The following TRPM8 variants were observed in gnomAD, a reference collection of about 807,000 sequenced individuals.
The protein encoded by TRPM8 is TRPM8 cationic channel.
TRPM8 carries 110 observed loss-of-function variants against 133.7 expected under a neutral mutation model. That is an observed-to-expected ratio of 0.82 (90% CI 0.70 to 0.96). TRPM8 has a LOEUF of 0.96. Among genes scored for constraint, TRPM8 ranks in the 40% least tolerant of loss-of-function variants. TRPM8 has a pLI of 0.00. For synonymous variants in TRPM8, 535 were observed against 532.3 expected, an observed-to-expected ratio of 1.01 and a Z score of -0.07; for missense variants, 1,291 against 1,379.5, an observed-to-expected ratio of 0.94 and a Z score of 1.02.
At chr2:233,973,021 T>G (rs952217265) in intron 17 of TRPM8, among the ~76,000 whole-genome samples, 16 of 152,216 alleles carry the variant, frequency 1.1e-4, no homozygotes, top group Admixed American at 2.6e-4. Context: ...GCCAGCACGC[T>G]GTCACCTCTC....
At chr2:233,961,328 T>C (rs1461369984) in intron 12 of TRPM8, among the ~76,000 whole-genome samples, 1 of 152,208 alleles carries the variant, frequency 6.6e-6, no homozygotes, top group African/African-American at 2.4e-5. Flanking sequence ...GTTTTTGAGA[T>C]GGAGTCTCGC....
At chr2:233,940,284 GTTT>G (rs397736139) in intron 5 of TRPM8, among the ~76,000 whole-genome samples, 1 of 137,322 alleles carries the variant, frequency 7.3e-6, no homozygotes, top group African/African-American at 2.6e-5. Context: ...CTAGACATGG[GTTT>G]TTTTTTTTTT....
intron 11 of TRPM8, 113 bp downstream of exon 11, chr2:233,955,363 T>A: frequency 1.3e-6 from 1 of 754,848 alleles, no homozygotes. Context: ...AAAGGATTGT[T>A]CTGTTCCAGA....
intron 25 of TRPM8, among the ~76,000 whole-genome samples, chr2:234,015,216 G>C (rs1372399918): frequency 6.6e-6 from 1 of 152,056 alleles, no homozygotes; most frequent in Non-Finnish European, 1.5e-5. Context: ...TTTAACCCAA[G>C]GCTTTGCTCC....
At chr2:233,994,536 C>G (rs1692356975) in intron 21 of TRPM8, among the ~76,000 whole-genome samples, 3 of 152,188 alleles carry the variant, frequency 2.0e-5, no homozygotes, top group Admixed American at 2.0e-4. Context: ...CAAGAGGCAC[C>G]TGCTACAAGT....
intron 14 of TRPM8, chr2:233,966,270 C>A: frequency 4.5e-6 from 1 of 223,436 alleles, no homozygotes; most frequent in Non-Finnish European, 9.0e-6. Context: ...TGGGGAGGTG[C>A]AGAAGGTTAG....
At chr2:234,017,199 C>T (rs562559350) in intron 25 of TRPM8, 100 bp from the exon 26 acceptor site, 52 of 405,788 alleles carry the variant, frequency 1.3e-4, no homozygotes, top group African/African-American at 1.1e-3. Context: ...GGATCTATTC[C>T]CAGTATATTC....
chr2:233,964,890 A>G, intron 14 of TRPM8, 133 bp downstream of exon 14: 1 of 899,930 alleles, frequency 1.1e-6, no homozygotes, highest in Non-Finnish European at 1.6e-6. Context: ...TGAGGGCTGC[A>G]GACCACAAGG....
intron 7 of TRPM8, 88 bp from the exon 8 acceptor site, chr2:233,946,999 AG>A: frequency 1.7e-6 from 2 of 1,175,068 alleles, no homozygotes; most frequent in Middle Eastern, 1.9e-4. Flanking sequence ...CTAGGCTCAC[AG>A]GGCAGAAGCT....
intron 11 of TRPM8, among the ~76,000 whole-genome samples, chr2:233,955,689 G>A (rs571761703): frequency 4.5e-4 from 68 of 152,058 alleles, no homozygotes; most frequent in Non-Finnish European, 7.5e-4. Flanking sequence ...TTAGAGAACC[G>A]TCCGTAGTGA....
At chr2:233,927,336 A>C (rs1256800310) in intron 2 of TRPM8, among the ~76,000 whole-genome samples, 1 of 152,152 alleles carries the variant, frequency 6.6e-6, no homozygotes, top group African/African-American at 2.4e-5. Flanking sequence ...TCTATCATTG[A>C]GCTGTAAGAA....
intron 12 of TRPM8, 22 bp from the exon 13 acceptor site, chr2:233,963,260 A>T: frequency 6.4e-7 from 1 of 1,566,832 alleles, no homozygotes; most frequent in Non-Finnish European, 8.8e-7. Flanking sequence ...GCACATGCTG[A>T]CCACATGCTC....
intron 17 of TRPM8, among the ~76,000 whole-genome samples, chr2:233,979,576 G>A (rs1461417446): frequency 6.6e-6 from 1 of 152,214 alleles, no homozygotes; most frequent in Non-Finnish European, 1.5e-5. Context: ...GTTTATTTCA[G>A]TGTTTTCCTG....
rs1029339923 is a variant in TRPM8, at chr2:233,965,476, G to A, written c.1879+719G>A. 1.3e-5 allele frequency among the ~76,000 whole-genome samples: 2 copies of A among 152,128 alleles called. 1 individual carries two copies. The highest frequency in any genetic ancestry group is 4.1e-4 in the South Asian group (2 of 4,822). On this transcript the variant is annotated intron_variant, in intron 14 of 25. Transcript: ENST00000324695. Reference sequence around the variant, plus strand: ...CCAGTGCCCTTTGCACAGAGGCCTCGATCATTCAGGAAGGTGAGAAATCCA... The same window carrying A: ...CCAGTGCCCTTTGCACAGAGGCCTCAATCATTCAGGAAGGTGAGAAATCCA...
chr2:234,010,569 A>G (rs141569255), intron 24 of TRPM8, among the ~76,000 whole-genome samples: 124 of 152,300 alleles, frequency 8.1e-4, no homozygotes, highest in Admixed American at 1.8e-3. Context: ...ACTGTTTTCC[A>G]TAATAGCTAT....
intron 2 of TRPM8, among the ~76,000 whole-genome samples, chr2:233,927,774 CTTTCTTTCT>C (rs1691562467): frequency 1.8e-5 from 1 of 56,616 alleles, no homozygotes; most frequent in Non-Finnish European, 2.7e-5. Context: ...TTCTTTCTTT[CTTTCTTTCT>C]TTCTTTCTTT....
chr2:233,942,951 G>T, intron 6 of TRPM8: 1 of 616,946 alleles, frequency 1.6e-6, no homozygotes, highest in East Asian at 2.8e-5. Context: ...AGTTAACAAT[G>T]AATGTTTTGT....
intron 1 of TRPM8, among the ~76,000 whole-genome samples, chr2:233,924,411 T>C (rs1691471280): frequency 6.6e-6 from 1 of 152,152 alleles, no homozygotes; most frequent in African/African-American, 2.4e-5. Flanking sequence ...AGCTGCTCTC[T>C]TCCCATATCG....
chr2:233,939,181 G>T lies in TRPM8; in HGVS notation c.526+6G>T. ...CTACATCGCGCAGTCCAAAGGTGAG[G>T]GTGGGAGCAGCGACCGCGGGTTCTT... On this transcript the variant is annotated splice_donor_region_variant and intron_variant, in intron 5 of 25. Transcript: ENST00000324695. The T allele has an allele frequency of 6.2e-7, 1 of 1,612,524 alleles. No homozygotes were observed. Among genetic ancestry groups the T allele is most frequent in the Non-Finnish European group, 8.5e-7 (1 of 1,178,976 alleles).
Sources: allele counts gnomAD v4.1 joint callset (sites outside exome capture counted in the v4.1 genomes callset), GRCh38; gene constraint gnomAD v4.1.1; transcripts MANE v1.5; gene names NCBI Gene and HGNC (gene_info 2026-07-23, HGNC 2026-07-21).